MUC5B: variants seen among roughly 807,000 people sequenced by gnomAD.
The protein encoded by MUC5B is mucin-5B.
MUC5B carries 116 observed loss-of-function variants against 376.9 expected under a neutral mutation model. The ratio of observed to expected loss-of-function variants is 0.31; its 90% CI spans 0.26 to 0.36. The LOEUF is 0.36. Ranked by LOEUF, MUC5B falls within the 10% of genes least tolerant of loss-of-function variation. The probability of loss-of-function intolerance (pLI) is 1.00; values close to 1 mark genes in which losing one functional copy is unlikely to be tolerated. For missense variants in MUC5B, 7,165 were observed against 7,769.9 expected (o/e 0.92, Z 2.93); for synonymous variants, 3,517 against 3,390.9 (o/e 1.04, Z -1.29).
chr11:1,226,539 A>G, intron 3 of MUC5B, 76 bp from the exon 4 acceptor site: 2 of 1,516,160 alleles, frequency 1.3e-6, no homozygotes, highest in South Asian at 2.5e-5. Flanking sequence ...TCCAAAAACC[A>G]GGGTGCCTCG....
At chr11:1,251,936 A>C (rs1280628226) in intron 31 of MUC5B, among the ~76,000 whole-genome samples, 193 bp downstream of exon 31, 1 of 149,660 alleles carries the variant, frequency 6.7e-6, no homozygotes, top group Non-Finnish European at 1.5e-5. Flanking sequence ...ATCCGTCCGC[A>C]CTGGCCACAA....
chr11:1,231,041 C>A, intron 13 of MUC5B, 36 bp downstream of exon 13: 1 of 1,542,104 alleles, frequency 6.5e-7, no homozygotes, highest in Non-Finnish European at 8.8e-7. Flanking sequence ...GGCTGGGTGG[C>A]GCCTGCTTGC....
Position 1,257,565 on chromosome 11 carries a change from C to A in MUC5B, c.16305C>A (p.Cys5435Ter). Residue 5435 changes from cysteine (C) to a stop codon, truncating the protein, a stop_gained, in exon 41 of 49, where the codon TGC becomes TGA. Transcript: ENST00000529681. LOFTEE classifies it high-confidence loss of function. This position sits in a 1 kb window ranked among gnomAD's most constrained non-coding sequence, Gnocchi z 8.9. ...GERWVSNCQS[C>*]VCDEGSVSVQ... Reference sequence around the variant, plus strand: ...GGTGGGTCAGCAACTGCCAGTCCTGCGTGTGTGACGAGGGTTCAGTGTCGG... The same window carrying A: ...GGTGGGTCAGCAACTGCCAGTCCTGAGTGTGTGACGAGGGTTCAGTGTCGG... 6.2e-7 allele frequency: 1 copy of A among 1,608,094 alleles called. No homozygotes were observed.
At position 1,240,331 on chromosome 11, in the gene MUC5B, C is replaced by G; in HGVS notation, c.3926C>G (p.Thr1309Arg). 3 of 1,610,002 alleles carry G rather than the reference C, an allele frequency of 1.9e-6. No individual in the cohort carries two copies. The highest frequency in any genetic ancestry group is 2.2e-5 in the South Asian group (2 of 90,812). Reference protein sequence around the residue: ...AVACPGTPATTPFTFTTAWVP... With the variant: ...AVACPGTPATRPFTFTTAWVP... ...GCATGTCCTGGAACTCCAGCCACAA[C>G]GCCATTCACCTTCACCACCGCCTGG... The change falls in exon 30 of 49, where the codon ACG (threonine) becomes AGG (arginine). Residue 1309 changes from threonine to arginine, a missense_variant. Physicochemically the swap from Thr to Arg is moderately conservative, Grantham distance 71. Coordinates refer to ENST00000529681, the MANE Select transcript of MUC5B (RefSeq NM_002458.3).
chr11:1,230,180 C>A (rs746511055), intron 11 of MUC5B, 37 bp downstream of exon 11: 12 of 1,547,974 alleles, frequency 7.8e-6, no homozygotes, highest in Non-Finnish European at 9.6e-6. Flanking sequence ...ACACCCAGAC[C>A]CTCCTGGGAC....
rs758181040 is a variant in MUC5B, at chr11:1,251,220, C to G, written c.14340C>G (p.Thr4780=). The G allele has an allele frequency of 1.1e-5, 17 of 1,611,266 alleles. 1 individual carries two copies. In the Admixed American group the frequency reaches 2.8e-4, roughly 27 times the overall value. ...TGTCCACCATGTCCACAATCCACACCTCCTCTACTCCAGAGACCACCCACA... is the reference window on the plus strand; with the variant it reads ...TGTCCACCATGTCCACAATCCACACGTCCTCTACTCCAGAGACCACCCACA... ...TPMSTMSTIH[T]SSTPETTHTS... is the part of the protein sequence containing the mutation. Residue 4780 remains threonine, a synonymous_variant, in exon 31 of 49, where the codon ACC becomes ACG. Coordinates refer to ENST00000529681, the MANE Select transcript of MUC5B (RefSeq NM_002458.3).
intron 23 of MUC5B, among the ~76,000 whole-genome samples, chr11:1,236,130 A>T (rs1862151663): frequency 6.6e-6 from 1 of 152,084 alleles, no homozygotes; most frequent in Non-Finnish European, 1.5e-5. Context: ...GGTGGGGTGG[A>T]GTGGGCCTAC....
In MUC5B at chr11:1,226,627, C is replaced by T. The variant is rs369252177; in HGVS notation, c.212C>T (p.Ala71Val). The change falls in exon 4 of 49, where the codon GCG becomes GTG. Residue 71 changes from alanine to valine, a missense_variant. Ala to Val is a moderately conservative substitution (Grantham distance 64). Around this residue, in one of 31 missense-constraint regions of MUC5B, gnomAD observed 640 missense variants for 733.0 expected, o/e 0.87. Transcript: ENST00000529681. ...VFPSLSPLNP[A>V]HNGRVCSTWG... ...GCGCTCCCCACAGCCCTGAACCCGG[C>T]GCACAATGGGCGGGTGTGCAGCACC... is the stretch of plus-strand genomic sequence containing the variant. The T allele has an allele frequency of 8.0e-5, 129 of 1,610,090 alleles. No individual in the cohort carries two copies. Among genetic ancestry groups the T allele is most frequent in the African/African-American group, 1.7e-4 (13 of 74,864 alleles).
intron 4 of MUC5B, 60 bp from the exon 5 acceptor site, chr11:1,226,971 G>GT: frequency 1.3e-6 from 2 of 1,505,572 alleles, no homozygotes; most frequent in Non-Finnish European, 1.8e-6. Flanking sequence ...CTGGGGGGGG[G>GT]TTGGGTGGGC....
rs766036453 is a variant in MUC5B, at chr11:1,246,452, G to A, written c.9572G>A (p.Gly3191Asp). The A allele has an allele frequency of 3.1e-6, 5 of 1,611,960 alleles. No individual in the cohort carries two copies. The highest frequency in any genetic ancestry group is 4.2e-6 in the Non-Finnish European group (5 of 1,179,274). ...GCCTCCTCCACCCGGGCAACTGCTG[G>A]CACCCTCAAAGTGCTGACCAGCACG... ...ATASSTRATA[G>D]TLKVLTSTAT... is the part of the protein sequence containing the mutation. The change falls in exon 31 of 49, where the codon GGC (glycine) becomes GAC (aspartate). Residue 3191 changes from glycine to aspartate, a missense_variant. Physicochemically the swap from Gly to Asp is moderately conservative, Grantham distance 94 (BLOSUM62 -1). This residue lies in a region of MUC5B where 939 missense variants were observed against 770.6 expected (regional missense o/e 1.22). Transcript: ENST00000529681.
Position 1,260,044 on chromosome 11 carries a change from A to G in MUC5B, c.16882A>G (p.Thr5628Ala). 6.2e-7 allele frequency: 1 copy of G among 1,612,502 alleles called. No individual in the cohort carries two copies. The highest frequency in any genetic ancestry group is 8.5e-7 in the Non-Finnish European group (1 of 1,179,708). The change falls in exon 46 of 49, where the codon ACC becomes GCC. Residue 5628 changes from threonine to alanine, a missense_variant. Physicochemically the swap from Thr to Ala is moderately conservative, Grantham distance 58. This residue lies in a region of MUC5B where 842 missense variants were observed against 1,016.9 expected (regional missense o/e 0.83). Transcript: ENST00000529681. ...GGCTGAGGGTGGAGTCCATTTGCTG[A>G]CCCCACAGCCTGCATCCTGCCCAGA... ...CEAEGGVHLL[T>A]PQPASCPDVS...
chr11:1,239,590 G>A lies in MUC5B; in HGVS notation c.3583+24G>A, dbSNP rs769309804. ...AGGTGAGGGGCAGCCTTTCTTGGAT[G>A]GAGCCTCCTCTCCTTGGGTTCCCGA... On this transcript the variant is annotated intron_variant, in intron 27 of 48. Coordinates refer to ENST00000529681, the MANE Select transcript of MUC5B (RefSeq NM_002458.3). 3 of 1,544,892 alleles carry A rather than the reference G, an allele frequency of 1.9e-6. No individual in the cohort carries two copies. In the East Asian group the frequency reaches 6.8e-5, roughly 35 times the overall value.
At chr11:1,233,714 G>C (rs543313459) in intron 18 of MUC5B, 79 bp from the exon 19 acceptor site, 21 of 1,436,336 alleles carry the variant, frequency 1.5e-5, no homozygotes, top group Admixed American at 3.9e-5. Flanking sequence ...CCCAGCGTTC[G>C]GCGGGGGCTC....
intron 26 of MUC5B, 73 bp from the exon 27 acceptor site, chr11:1,239,365 G>A: frequency 1.3e-6 from 2 of 1,522,540 alleles, no homozygotes; most frequent in South Asian, 1.3e-5. Context: ...CCACGCCCGG[G>A]GTAGGGGCTG....
chr11:1,231,719 C>T (rs973848872), intron 14 of MUC5B, among the ~76,000 whole-genome samples, 159 bp downstream of exon 14: 4 of 152,190 alleles, frequency 2.6e-5, no homozygotes, highest in African/African-American at 9.7e-5. Context: ...AGGACACCAG[C>T]ATTGGACCAG....
At position 1,239,018 on chromosome 11, in the gene MUC5B, G is replaced by A. The variant is rs1255143876; in HGVS notation, c.3445G>A (p.Asp1149Asn). The A allele has an allele frequency of 6.4e-7, 1 of 1,570,640 alleles. No homozygotes were observed. Among genetic ancestry groups the A allele is most frequent in the Admixed American group, 1.9e-5 (1 of 53,640 alleles). The change falls in exon 26 of 49, where the codon GAC (aspartate) becomes AAC (asparagine). Residue 1149 changes from aspartate to asparagine, a missense_variant. Transcript: ENST00000529681. ...CCTGTGTGTGTCCTGGCGGACTCCG[G>A]ACACCTGCCGTGAGTCGGGCTCTGT... ...AGLCVSWRTP[D>N]TCPLFCDFYN... is the part of the protein sequence containing the mutation.
At chr11:1,230,835 C>A in intron 12 of MUC5B, 101 bp from the exon 13 acceptor site, 3 of 1,369,316 alleles carry the variant, frequency 2.2e-6, no homozygotes, top group South Asian at 1.2e-5. Context: ...TCTCTGTGGG[C>A]TCTGTCCCCA....
chr11:1,256,685 A>G lies in MUC5B; in HGVS notation c.16151A>G (p.Gln5384Arg). The change falls in exon 39 of 49, where the codon CAG becomes CGG. Residue 5384 changes from glutamine to arginine, a missense_variant. Gln to Arg is a conservative substitution (Grantham distance 43). Coordinates refer to ENST00000529681, the MANE Select transcript of MUC5B (RefSeq NM_002458.3). ...TCATCCTGCAGGAACCAGAGCCCAC[A>G]GCTGGAGGGGATGGCGGAGGGCTGC... ...ATCNSRNQSP[Q>R]LEGMAEGCFC... is the part of the protein sequence containing the mutation. 2 of 1,567,186 alleles carry G rather than the reference A, an allele frequency of 1.3e-6. No individual in the cohort carries two copies. Among genetic ancestry groups the G allele is most frequent in the South Asian group, 1.2e-5 (1 of 84,704 alleles).
At position 1,250,650 on chromosome 11, in the gene MUC5B, T is replaced by C. The variant is rs1590187982; in HGVS notation, c.13770T>C (p.Thr4590=). 6.2e-7 allele frequency: 1 copy of C among 1,600,854 alleles called. No homozygotes were observed. Among genetic ancestry groups the C allele is most frequent in the South Asian group, 1.1e-5 (1 of 90,632 alleles). The change falls in exon 31 of 49, where the codon ACT becomes ACC. Residue 4590 remains threonine (T), a synonymous_variant. Transcript: ENST00000529681. ...TPSSTPGTAH[T]TKVPTTTTTG... ...CCTCCACCCCAGGAACAGCTCACAC[T>C]ACCAAAGTGCCGACTACCACAACCA...
Sources: allele counts gnomAD v4.1 joint callset (sites outside exome capture counted in the v4.1 genomes callset), GRCh38; gene constraint gnomAD v4.1.1; regional missense constraint gnomAD v4.1.1; non-coding constraint Gnocchi (gnomAD v3.1); transcripts MANE v1.5; gene names NCBI Gene and HGNC (gene_info 2026-07-23, HGNC 2026-07-21).